Variants in ADTRP observed in about 807,000 individuals in gnomAD.
ADTRP encodes the protein androgen dependent TFPI regulating protein.
Under a neutral mutation model 27.0 loss-of-function variants are expected in ADTRP, and 20 were observed. That is an observed-to-expected ratio of 0.74 (90% confidence interval 0.52 to 1.08). ADTRP has a LOEUF of 1.08. ADTRP is among the 50% of genes least tolerant of loss of function. The pLI is 0.00. For synonymous variants in ADTRP, 101 were observed against 105.2 expected (o/e 0.96, Z 0.25); for missense variants, 251 against 275.0 (o/e 0.91, Z 0.62).
chr6:11,748,206 C>A (rs1762928605), intron 3 of ADTRP, among the ~76,000 whole-genome samples: 1 of 152,186 alleles, frequency 6.6e-6, no homozygotes. Flanking sequence ...TGGTAAGCTT[C>A]CTAGCAGTGT....
chr6:11,763,509 C>G (rs1763456804), intron 3 of ADTRP, among the ~76,000 whole-genome samples: 1 of 152,212 alleles, frequency 6.6e-6, no homozygotes, highest in South Asian at 2.1e-4. Context: ...GTACAGGGGA[C>G]AGGGCCAGCC....
rs1024426842 is a variant in ADTRP at position 11,766,213 on chromosome 6, T to C, written c.390+61A>G. ...ATTTGGAAACATAGATAAGGCACTG[T>C]GGAGTTTTCAGTACAGAGGCTATTG... On this transcript the variant is annotated intron_variant, in intron 3 of 5. Transcript: ENST00000414691. The C allele has an allele frequency of 1.0e-5, 13 of 1,248,874 alleles. No homozygotes were observed. The African/African-American group carries it at 1.7e-4, about 16-fold the overall frequency. The allele number at this position is 1,248,874 out of a possible 1,614,324, so 77.4% of individuals were successfully genotyped here.
chr6:11,741,942 A>T (rs866557400), intron 3 of ADTRP, among the ~76,000 whole-genome samples: 1 of 151,708 alleles, frequency 6.6e-6, no homozygotes, highest in African/African-American at 2.4e-5. Context: ...TTTCTACCAA[A>T]ATGCTTCCCA....
chr6:11,759,049 A>G (rs1488681662), intron 3 of ADTRP, among the ~76,000 whole-genome samples: 1 of 152,166 alleles, frequency 6.6e-6, no homozygotes, highest in African/African-American at 2.4e-5. Context: ...AGGAAGGGCA[A>G]TCCTGCTCAC....
At chr6:11,739,970 A>C (rs1762667939) in intron 3 of ADTRP, among the ~76,000 whole-genome samples, 2 of 152,198 alleles carry the variant, frequency 1.3e-5, no homozygotes, top group African/African-American at 4.8e-5. Flanking sequence ...GCAAAATCAG[A>C]TGATAACATA....
At chr6:11,725,128 G>A (rs1029538599) in intron 4 of ADTRP, among the ~76,000 whole-genome samples, 11 of 152,204 alleles carry the variant, frequency 7.2e-5, no homozygotes, top group Non-Finnish European at 1.5e-4. Flanking sequence ...GAAGAGTCAA[G>A]GGCTATATTC....
chr6:11,717,225 A>G (rs1198345411), intron 5 of ADTRP: 1 of 1,245,696 alleles, frequency 8.0e-7, no homozygotes. Context: ...AGGAAGTTAG[A>G]TTCACCCCGA....
chr6:11,713,757 C>A lies in ADTRP; in HGVS notation c.*721G>T, dbSNP rs1373757110. ...AATGTCACTATGTTTGATGTTTATA[C>A]CTGCCCTGAATGCTTGCTCAGAAGA... On this transcript the variant is annotated 3_prime_UTR_variant, in exon 6 of 6. Transcript: ENST00000414691. 2.0e-5 allele frequency: 3 copies of A among 152,166 alleles called. 1 individual carries two copies. The East Asian group carries it at 5.8e-4, about 29-fold the overall frequency. 9.4% of individuals were successfully genotyped at this position (152,166 alleles called of 1,614,324 possible). A position where few individuals can be genotyped will look rare whatever the true frequency, so the allele number is the denominator to read the frequency against.
intron 2 of ADTRP, among the ~76,000 whole-genome samples, chr6:11,767,386 C>T (rs527905354): frequency 1.3e-5 from 2 of 152,180 alleles, no homozygotes; most frequent in South Asian, 2.1e-4. Flanking sequence ...GAAGATTTTA[C>T]GTGGGCAGAG....
At chr6:11,752,427 G>T (rs1250156926) in intron 3 of ADTRP, among the ~76,000 whole-genome samples, 1 of 152,106 alleles carries the variant, frequency 6.6e-6, no homozygotes, top group Non-Finnish European at 1.5e-5. Context: ...TAAGGTCATG[G>T]ATCAACAGGG....
chr6:11,731,940 A>C (rs1243432173), intron 4 of ADTRP, among the ~76,000 whole-genome samples: 1 of 152,192 alleles, frequency 6.6e-6, no homozygotes, highest in African/African-American at 2.4e-5. Context: ...AGAAAGAATA[A>C]AAACCAGCAG....
intron 5 of ADTRP, among the ~76,000 whole-genome samples, chr6:11,716,894 T>G (rs923519782): frequency 6.7e-6 from 1 of 149,724 alleles, no homozygotes; most frequent in Non-Finnish European, 1.5e-5. Flanking sequence ...TTTTTTTTTT[T>G]TTTGTATTTT....
chr6:11,746,419 T>C (rs1762867645), intron 3 of ADTRP, among the ~76,000 whole-genome samples: 1 of 152,144 alleles, frequency 6.6e-6, no homozygotes. Flanking sequence ...TAAGTCTTTG[T>C]GGTGGGGGGT....
chr6:11,740,197 G>A (rs1762672657), intron 3 of ADTRP, among the ~76,000 whole-genome samples: 1 of 152,108 alleles, frequency 6.6e-6, no homozygotes, highest in African/African-American at 2.4e-5. Flanking sequence ...ATTCCGATCT[G>A]CGAATTAGTT....
At position 11,778,654 on chromosome 6, in the gene ADTRP, T is replaced by A. The variant is rs1472901235; in HGVS notation, c.106A>T (p.Ile36Phe). 1 of 1,614,180 alleles carries A rather than the reference T, an allele frequency of 6.2e-7. No individual in the cohort carries two copies. Residue 36 changes from isoleucine to phenylalanine, a missense_variant, in exon 1 of 6, where the codon ATC becomes TTC. By Grantham distance (21) the Ile-to-Phe change is conservative (BLOSUM62 0). Transcript: ENST00000414691. ...TTCCACCTTGCACCATTTGCCAAGATTTTGGGTTTCACCTCGTCTTTTCCT... is the reference window on the plus strand; with the variant it reads ...TTCCACCTTGCACCATTTGCCAAGAATTTGGGTTTCACCTCGTCTTTTCCT... ...QEGKDEVKPK[I>F]LANGARWKYM...
At chr6:11,722,926 C>T (rs1000818597) in intron 5 of ADTRP, among the ~76,000 whole-genome samples, 1 of 152,116 alleles carries the variant, frequency 6.6e-6, no homozygotes, top group African/African-American at 2.4e-5. Context: ...GCTGAGAGGG[C>T]TATCTGGACT....
At chr6:11,772,675 C>A (rs1326452974) in intron 1 of ADTRP, among the ~76,000 whole-genome samples, 1 of 152,134 alleles carries the variant, frequency 6.6e-6, no homozygotes, top group Non-Finnish European at 1.5e-5. Context: ...CAAGAATTTG[C>A]GGTGGAAGAC....
intron 3 of ADTRP, among the ~76,000 whole-genome samples, chr6:11,758,949 TCTC>T (rs1763316075): frequency 6.6e-6 from 1 of 152,138 alleles, no homozygotes; most frequent in Admixed American, 6.5e-5. Flanking sequence ...CTCTCTTGCT[TCTC>T]TTCTTCTGAT....
At chr6:11,775,245 C>G (rs1383576586) in intron 1 of ADTRP, among the ~76,000 whole-genome samples, 3 of 152,176 alleles carry the variant, frequency 2.0e-5, no homozygotes, top group Non-Finnish European at 2.9e-5. Flanking sequence ...ATCACCTTCT[C>G]TACCCAGAGA....
Sources: allele counts gnomAD v4.1 joint callset (sites outside exome capture counted in the v4.1 genomes callset), GRCh38; gene constraint gnomAD v4.1.1; transcripts MANE v1.5; gene names NCBI Gene and HGNC (gene_info 2026-07-23, HGNC 2026-07-21).